Variants in MMP20 observed in about 807,000 individuals in gnomAD.
MMP20 encodes matrix metalloproteinase-20.
A neutral mutation model predicts 51.8 loss-of-function variants in MMP20; 50 were observed. The ratio of observed to expected loss-of-function variants is 0.97; its 90% CI spans 0.77 to 1.22. The LOEUF (loss-of-function observed/expected upper bound fraction) is 1.22. Ranked by LOEUF, MMP20 falls within the 50% of genes most tolerant of loss-of-function variation. The pLI is 0.00. For missense variants in MMP20, 663 were observed against 601.4 expected (o/e 1.10, Z -1.07); for synonymous variants, 244 against 216.2 (o/e 1.13, Z -1.13).
rs1187372173 is a variant in MMP20, at chr11:102,589,388, A to T, written c.1247+4051T>A. Among the ~76,000 whole-genome samples the T allele has an allele frequency of 2.0e-5, 3 of 152,102 alleles. No individual in the cohort carries two copies. In the South Asian group the frequency reaches 6.2e-4, roughly 32 times the overall value. On this transcript the variant is annotated intron_variant, in intron 8 of 9. Transcript: ENST00000260228. Reference sequence around the variant, plus strand: ...TCTTTGTTTTGACCCACTGATCTTCATGAAGTCTTGTATCAGAGCACTTTT... The same window carrying T: ...TCTTTGTTTTGACCCACTGATCTTCTTGAAGTCTTGTATCAGAGCACTTTT...
In MMP20 at chr11:102,589,071, G is replaced by C. The variant is rs1286323087; in HGVS notation, c.1247+4368C>G. On this transcript the variant is annotated intron_variant, in intron 8 of 9. Coordinates refer to ENST00000260228, the MANE Select transcript of MMP20 (RefSeq NM_004771.4). Reference sequence around the variant, plus strand: ...CCCTCTTCTCTGCAGAATAAACACTGATCTCCCTAGAAAGGCATTGACACT... The same window carrying C: ...CCCTCTTCTCTGCAGAATAAACACTCATCTCCCTAGAAAGGCATTGACACT... 4.6e-5 allele frequency among the ~76,000 whole-genome samples: 7 copies of C among 152,268 alleles called. No individual in the cohort carries two copies. In the East Asian group the frequency reaches 1.3e-3, roughly 29 times the overall value.
chr11:102,580,437 T>C (rs1270492189), intron 8 of MMP20, among the ~76,000 whole-genome samples: 1 of 152,094 alleles, frequency 6.6e-6, no homozygotes, highest in Non-Finnish European at 1.5e-5. Context: ...ACCCACCATC[T>C]CTTGAAATGT....
At chr11:102,578,872 T>G (rs1859160125) in intron 9 of MMP20, among the ~76,000 whole-genome samples, 167 bp downstream of exon 9, 1 of 152,260 alleles carries the variant, frequency 6.6e-6, no homozygotes, top group Non-Finnish European at 1.5e-5. Flanking sequence ...CTTTTACAGT[T>G]ACTCTTTCTA....
chr11:102,578,507 A>G (rs569264038), intron 9 of MMP20, among the ~76,000 whole-genome samples: 1 of 152,272 alleles, frequency 6.6e-6, no homozygotes, highest in South Asian at 2.1e-4. Flanking sequence ...TAGCTGACTA[A>G]TCGATTGAAG....
At chr11:102,618,591 G>A (rs991200846) in intron 1 of MMP20, among the ~76,000 whole-genome samples, 10 of 151,912 alleles carry the variant, frequency 6.6e-5, no homozygotes, top group Admixed American at 2.0e-4. Flanking sequence ...TGCTCTTTAT[G>A]TAATGGCAAT....
chr11:102,590,482 C>T (rs941038160), intron 8 of MMP20, among the ~76,000 whole-genome samples: 1 of 152,314 alleles, frequency 6.6e-6, no homozygotes, highest in Middle Eastern at 3.4e-3. Context: ...GGCCCCAAGC[C>T]AACCTTCAAT....
chr11:102,624,923 A>G (rs17099152), intron 1 of MMP20, among the ~76,000 whole-genome samples: 1 of 152,090 alleles, frequency 6.6e-6, no homozygotes, highest in Admixed American at 6.5e-5. Flanking sequence ...TTTATATTGC[A>G]TGGTTTTCAC....
At position 102,623,494 on chromosome 11, in the gene MMP20, G is replaced by C. The variant is rs191077604; in HGVS notation, c.126+1700C>G. On this transcript the variant is annotated intron_variant, in intron 1 of 9. Coordinates refer to ENST00000260228, the MANE Select transcript of MMP20 (RefSeq NM_004771.4). ...ATGCCTGATGATCTGAGGTGGAACAGTTTCGTCCCAAAACCATCACCCCTC... is the reference window on the plus strand; with the variant it reads ...ATGCCTGATGATCTGAGGTGGAACACTTTCGTCCCAAAACCATCACCCCTC... 1.9e-3 allele frequency among the ~76,000 whole-genome samples: 295 copies of C among 152,326 alleles called. 1 individual carries two copies. In the Middle Eastern group the frequency reaches 0.024, roughly 12 times the overall value.
At chr11:102,589,336 G>A (rs1859289787) in intron 8 of MMP20, among the ~76,000 whole-genome samples, 1 of 152,110 alleles carries the variant, frequency 6.6e-6, no homozygotes, top group South Asian at 2.1e-4. Context: ...ATTATTTCCT[G>A]ATAATTTTGC....
chr11:102,611,781 T>A lies in MMP20; in HGVS notation c.497A>T (p.Asp166Val). Residue 166 changes from aspartate to valine, a missense_variant, in exon 3 of 10, where the codon GAT becomes GTT. Coordinates refer to ENST00000260228, the MANE Select transcript of MMP20 (RefSeq NM_004771.4). ...TCCATTTTCAAAAGATATCATAATATCCGCTTCTCCTGAGTTTATTCTGAC... is the reference window on the plus strand; with the variant it reads ...TCCATTTTCAAAAGATATCATAATAACCGCTTCTCCTGAGTTTATTCTGAC... ...SFVRINSGEA[D>V]IMISFENGDH... The A allele has an allele frequency of 3.1e-6, 5 of 1,614,228 alleles. No individual in the cohort carries two copies. Among genetic ancestry groups the A allele is most frequent in the Non-Finnish European group, 4.2e-6 (5 of 1,180,044 alleles).
chr11:102,603,674 C>T lies in MMP20; in HGVS notation c.953+2861G>A, dbSNP rs557433284. 2.8e-4 allele frequency among the ~76,000 whole-genome samples: 43 copies of T among 152,302 alleles called. 2 individuals are homozygous for T. Among genetic ancestry groups the T allele is most frequent in the South Asian group, 2.1e-4 (1 of 4,828 alleles). On this transcript the variant is annotated intron_variant, in intron 6 of 9. Transcript: ENST00000260228. ...AAAGGAAGAGAAGCTCCAGGTGCCA[C>T]GGTGAGTTAGTGGCAAGTCCAGTGC...
At chr11:102,582,244 G>A (rs1390982502) in intron 8 of MMP20, among the ~76,000 whole-genome samples, 2 of 152,104 alleles carry the variant, frequency 1.3e-5, no homozygotes, top group African/African-American at 2.4e-5. Context: ...TTGGTGTTTT[G>A]ATTGTGCTGA....
intron 2 of MMP20, among the ~76,000 whole-genome samples, chr11:102,613,988 G>C (rs1859635400): frequency 6.6e-6 from 1 of 152,138 alleles, no homozygotes; most frequent in Non-Finnish European, 1.5e-5. Flanking sequence ...GAGAAGAAGA[G>C]AACATGGAAA....
At chr11:102,611,231 A>T (rs1163534180) in intron 3 of MMP20, among the ~76,000 whole-genome samples, 1 of 152,200 alleles carries the variant, frequency 6.6e-6, no homozygotes, top group Admixed American at 6.5e-5. Context: ...AAGAAGTGGG[A>T]AAGTTGGAGG....
At chr11:102,619,574 AC>A (rs1362189704) in intron 1 of MMP20, among the ~76,000 whole-genome samples, 113 of 56,198 alleles carry the variant, frequency 2.0e-3, no homozygotes, top group Middle Eastern at 0.011. Flanking sequence ...ATTAAAAAAA[AC>A]AAAATAAATG....
At chr11:102,592,318 G>A (rs1859327197) in intron 8 of MMP20, among the ~76,000 whole-genome samples, 1 of 152,200 alleles carries the variant, frequency 6.6e-6, no homozygotes, top group Admixed American at 6.5e-5. Context: ...GACAGCTCAT[G>A]ACACCGCATG....
chr11:102,578,158 T>TA (rs543134686), intron 9 of MMP20, among the ~76,000 whole-genome samples: 10,467 of 151,790 alleles, frequency 0.069, 411 homozygotes, highest in Middle Eastern at 0.16. Context: ...TTTTTTTTTT[T>TA]TTTGAGACAG....
chr11:102,586,731 G>T (rs1433586010), intron 8 of MMP20, among the ~76,000 whole-genome samples: 4 of 152,014 alleles, frequency 2.6e-5, no homozygotes, highest in African/African-American at 9.7e-5. Flanking sequence ...GCAGGAGAAT[G>T]GTGTGAACCC....
At chr11:102,605,104 C>G (rs1859498175) in intron 6 of MMP20, 1 of 152,316 alleles carries the variant, frequency 6.6e-6, no homozygotes, top group Non-Finnish European at 1.5e-5. Context: ...GGTGGGGGCC[C>G]CATGATGGGA....
Sources: allele counts gnomAD v4.1 joint callset (sites outside exome capture counted in the v4.1 genomes callset), GRCh38; gene constraint gnomAD v4.1.1; transcripts MANE v1.5; gene names NCBI Gene and HGNC (gene_info 2026-07-23, HGNC 2026-07-21).